Variants in DLG2 observed in about 807,000 individuals in gnomAD.
The protein encoded by DLG2 is discs large MAGUK scaffold protein 2.
A neutral mutation model predicts 132.5 loss-of-function variants in DLG2; 45 were observed. The observed-to-expected ratio is 0.34, with a 90% confidence interval of 0.27 to 0.44. DLG2 has a LOEUF of 0.44. Among genes scored for constraint, DLG2 ranks in the 20% least tolerant of loss-of-function variants. DLG2 has a pLI of 1.00. For missense variants in DLG2, 1,045 were observed against 1,196.9 expected, an observed-to-expected ratio of 0.87 and a Z score of 1.87; for synonymous variants, 424 against 419.6, an observed-to-expected ratio of 1.01 and a Z score of -0.13.
In DLG2 at chr11:83,618,914, A is replaced by G. The variant is rs547373011; in HGVS notation, c.1940+14297T>C. Among the ~76,000 whole-genome samples, 145 of 152,334 alleles carry G rather than the reference A, an allele frequency of 9.5e-4. 1 individual carries two copies. Among genetic ancestry groups the G allele is most frequent in the South Asian group, 9.3e-3 (45 of 4,832 alleles). On this transcript the variant is annotated intron_variant, in intron 19 of 27. Transcript: ENST00000376104. ...TCCTGGAGCAGAATTTGTGTTCACA[A>G]TAATAGCTTATTATTTTCCTCTGTT... is the stretch of plus-strand genomic sequence containing the variant.
chr11:84,825,955 A>G (rs1259558291), intron 6 of DLG2, among the ~76,000 whole-genome samples: 3 of 151,834 alleles, frequency 2.0e-5, no homozygotes, highest in Non-Finnish European at 2.9e-5. Context: ...AAACCAGAAA[A>G]ACATTTAATG....
At chr11:84,081,122 A>G (rs969319744) in intron 10 of DLG2, among the ~76,000 whole-genome samples, 2 of 152,152 alleles carry the variant, frequency 1.3e-5, no homozygotes, top group African/African-American at 4.8e-5. Context: ...AGAAAATTAT[A>G]CCAACACTTT....
chr11:84,444,425 T>C (rs568051781), intron 7 of DLG2, among the ~76,000 whole-genome samples: 1 of 152,318 alleles, frequency 6.6e-6, no homozygotes, highest in Non-Finnish European at 1.5e-5. Flanking sequence ...TAGTAATTTA[T>C]GGTGGAAGGT....
At chr11:85,457,043 A>T (rs529936047) in intron 3 of DLG2, among the ~76,000 whole-genome samples, 2 of 152,080 alleles carry the variant, frequency 1.3e-5, no homozygotes, top group South Asian at 4.2e-4. Context: ...GAAGTCCTGT[A>T]CTCTAATTGT....
intron 6 of DLG2, among the ~76,000 whole-genome samples, chr11:84,761,875 G>A (rs994127969): frequency 2.0e-5 from 3 of 151,948 alleles, no homozygotes; most frequent in African/African-American, 7.3e-5. Context: ...TATCTTATCC[G>A]TTCTGTCCCT....
intron 6 of DLG2, among the ~76,000 whole-genome samples, chr11:84,775,995 T>C (rs911615342): frequency 3.3e-5 from 5 of 152,240 alleles, no homozygotes; most frequent in African/African-American, 7.2e-5. Flanking sequence ...CAATATCTTA[T>C]TGCTGGGCTT....
At chr11:85,583,885 T>C (rs1396368711) in intron 3 of DLG2, among the ~76,000 whole-genome samples, 6 of 152,216 alleles carry the variant, frequency 3.9e-5, no homozygotes, top group Non-Finnish European at 7.3e-5. Flanking sequence ...ACACCACATA[T>C]CTGCAAAGAA....
intron 11 of DLG2, among the ~76,000 whole-genome samples, chr11:83,986,834 G>GT (rs1250050807): frequency 6.6e-6 from 1 of 152,112 alleles, no homozygotes; most frequent in Non-Finnish European, 1.5e-5. Context: ...TTTTTCATGT[G>GT]TTTTTGGGCT....
At chr11:84,981,168 A>G (rs2055681434) in intron 6 of DLG2, among the ~76,000 whole-genome samples, 1 of 152,234 alleles carries the variant, frequency 6.6e-6, no homozygotes, top group African/African-American at 2.4e-5. Context: ...CTATTAAATT[A>G]TTATGAAAAT....
intron 3 of DLG2, among the ~76,000 whole-genome samples, chr11:85,296,586 C>T (rs1263804063): frequency 6.7e-6 from 1 of 149,794 alleles, no homozygotes; most frequent in African/African-American, 2.4e-5. Context: ...TTAGTCCCCT[C>T]TTATGTATAC....
In DLG2 at chr11:83,900,789, C is replaced by A. The variant is rs557272214; in HGVS notation, c.1497-26301G>T. 3.3e-5 allele frequency among the ~76,000 whole-genome samples: 5 copies of A among 152,278 alleles called. No individual in the cohort carries two copies. The East Asian group carries it at 7.7e-4, about 24-fold the overall frequency. On this transcript the variant is annotated intron_variant, in intron 15 of 27. Transcript: ENST00000376104. Reference sequence around the variant, plus strand: ...TAGGAGCTCCCACCTTGGGGCACTACCTAGTGGAGCTGCAGGAAGAGAACC... The same window carrying A: ...TAGGAGCTCCCACCTTGGGGCACTAACTAGTGGAGCTGCAGGAAGAGAACC...
intron 3 of DLG2, among the ~76,000 whole-genome samples, chr11:85,435,338 C>T (rs578064541): frequency 2.6e-5 from 4 of 151,986 alleles, no homozygotes; most frequent in South Asian, 2.1e-4. Flanking sequence ...AATAAATAAA[C>T]GGTACTCAAA....
intron 6 of DLG2, among the ~76,000 whole-genome samples, chr11:84,714,570 T>C (rs961265286): frequency 5.0e-5 from 6 of 120,884 alleles, no homozygotes; most frequent in Admixed American, 7.6e-5. Flanking sequence ...TCTCTTTCTC[T>C]TTCTCTTTCT....
At chr11:84,603,409 C>T (rs1045730147) in intron 6 of DLG2, among the ~76,000 whole-genome samples, 1 of 151,932 alleles carries the variant, frequency 6.6e-6, no homozygotes, top group African/African-American at 2.4e-5. Flanking sequence ...CTAGAGCAAG[C>T]CATTTACCTC....
intron 16 of DLG2, among the ~76,000 whole-genome samples, chr11:83,873,173 T>C (rs2063806531): frequency 6.6e-6 from 1 of 152,210 alleles, no homozygotes; most frequent in African/African-American, 2.4e-5. Flanking sequence ...AAGTCCAAGC[T>C]ATGCTACTTT....
At chr11:84,546,480 T>C (rs770741995) in intron 6 of DLG2, 5 of 241,526 alleles carry the variant, frequency 2.1e-5, no homozygotes, top group Non-Finnish European at 4.2e-5. Flanking sequence ...GTCTTGGGTA[T>C]TTCTTGATAG....
intron 3 of DLG2, among the ~76,000 whole-genome samples, chr11:85,290,949 A>C (rs1017237352): frequency 2.0e-5 from 3 of 152,088 alleles, no homozygotes; most frequent in African/African-American, 7.2e-5. Context: ...ATATACTCAA[A>C]ATATTTCATC....
intron 19 of DLG2, among the ~76,000 whole-genome samples, chr11:83,617,996 CA>C (rs1052427948): frequency 6.6e-6 from 1 of 151,380 alleles, no homozygotes; most frequent in African/African-American, 2.4e-5. Context: ...GACTCTGTCT[CA>C]AAAAAAAGTA....
intron 6 of DLG2, among the ~76,000 whole-genome samples, chr11:84,560,616 GTAAAA>G (rs2099425396): frequency 1.3e-5 from 2 of 151,986 alleles, no homozygotes; most frequent in Non-Finnish European, 2.9e-5. Flanking sequence ...CTGTGGAAAG[GTAAAA>G]TAAAACAAAT....
Sources: allele counts gnomAD v4.1 joint callset (sites outside exome capture counted in the v4.1 genomes callset), GRCh38; gene constraint gnomAD v4.1.1; transcripts MANE v1.5; gene names NCBI Gene and HGNC (gene_info 2026-07-23, HGNC 2026-07-21).